Variants in TRPM3 observed in about 807,000 individuals in gnomAD.
TRPM3 encodes transient receptor potential cation channel subfamily M member 3.
Under a neutral mutation model 181.2 loss-of-function variants are expected in TRPM3, and 77 were observed. That is an observed-to-expected ratio of 0.42 (90% CI 0.35 to 0.51). The LOEUF (loss-of-function observed/expected upper bound fraction) is 0.51, where lower values mean the gene tolerates loss of function less well. Ranked by LOEUF, TRPM3 falls within the 20% of genes least tolerant of loss-of-function variation. The probability of loss-of-function intolerance (pLI) is 0.01; values close to 1 mark genes in which losing one functional copy is unlikely to be tolerated. For synonymous variants in TRPM3, 745 were observed against 796.4 expected (o/e 0.94, Z 1.09); for missense variants, 1,759 against 2,196.7 (o/e 0.80, Z 3.98).
At chr9:70,873,104 T>C (rs571112240) in intron 1 of TRPM3, among the ~76,000 whole-genome samples, 155 of 152,076 alleles carry the variant, frequency 1.0e-3, no homozygotes, top group Non-Finnish European at 1.9e-3. Context: ...AGAGTAAAAA[T>C]GATTTTTGGA....
intron 1 of TRPM3, among the ~76,000 whole-genome samples, chr9:71,225,023 T>C (rs1254106690): frequency 6.6e-6 from 1 of 152,046 alleles, no homozygotes; most frequent in Non-Finnish European, 1.5e-5. Flanking sequence ...GGTAGAGAGA[T>C]AGGGGTAGAA....
chr9:70,691,991 G>T (rs568935821), intron 8 of TRPM3, among the ~76,000 whole-genome samples: 1 of 152,120 alleles, frequency 6.6e-6, no homozygotes, highest in Non-Finnish European at 1.5e-5. Flanking sequence ...ATGGCTTTAG[G>T]CTGCTAAAAG....
intron 1 of TRPM3, among the ~76,000 whole-genome samples, chr9:71,301,763 A>T (rs1356691324): frequency 6.6e-6 from 1 of 152,132 alleles, no homozygotes; most frequent in Non-Finnish European, 1.5e-5. Flanking sequence ...CTTCATTATA[A>T]AGTGCTTTAT....
intron 1 of TRPM3, among the ~76,000 whole-genome samples, chr9:71,301,960 C>T (rs1378014403): frequency 6.6e-6 from 1 of 152,060 alleles, no homozygotes; most frequent in Non-Finnish European, 1.5e-5. Flanking sequence ...GATTATCCTC[C>T]TTCAAATTTT....
rs547493078 is a variant in TRPM3, at chr9:70,957,604, C to T, written c.178-93093G>A. Among the ~76,000 whole-genome samples the T allele has an allele frequency of 1.4e-4, 21 of 152,286 alleles. 2 individuals are homozygous for T. In the South Asian group the frequency reaches 3.3e-3, roughly 24 times the overall value. On this transcript the variant is annotated intron_variant, in intron 1 of 25. Transcript: ENST00000677713. ...GGTACTTAAACTATTTAGCAGCATG[C>T]TTGGCTGCATTCGGTTCATAAATAC...
At chr9:71,089,292 CAA>C (rs1184646758) in intron 1 of TRPM3, among the ~76,000 whole-genome samples, 2 of 150,232 alleles carry the variant, frequency 1.3e-5, no homozygotes, top group Non-Finnish European at 3.0e-5. Context: ...ACAACTTTTG[CAA>C]AAGTGTTTTA....
chr9:70,660,719 C>A (rs547288539), intron 9 of TRPM3, among the ~76,000 whole-genome samples: 1 of 152,060 alleles, frequency 6.6e-6, no homozygotes, highest in East Asian at 1.9e-4. Flanking sequence ...AAATATACAA[C>A]CCTCCTAGAT....
chr9:70,799,540 C>T (rs1267180204), intron 6 of TRPM3, among the ~76,000 whole-genome samples: 1 of 152,180 alleles, frequency 6.6e-6, no homozygotes, highest in African/African-American at 2.4e-5. Flanking sequence ...AAGGAGCTCC[C>T]TCCTTGTTTC....
At chr9:70,697,822 CCT>C in intron 8 of TRPM3, among the ~76,000 whole-genome samples, 1 of 152,300 alleles carries the variant, frequency 6.6e-6, no homozygotes, top group East Asian at 1.9e-4. Flanking sequence ...TCTTTTGTCT[CCT>C]CCTTTACATT....
intron 7 of TRPM3, among the ~76,000 whole-genome samples, chr9:70,772,508 A>T (rs11142584): frequency 4.9e-4 from 74 of 151,800 alleles, no homozygotes; most frequent in Non-Finnish European, 1.5e-4. Context: ...TTTTTTGTAG[A>T]GACAGGGTTT....
At chr9:71,423,227 A>T (rs1478491064) in intron 1 of TRPM3, among the ~76,000 whole-genome samples, 6 of 152,116 alleles carry the variant, frequency 3.9e-5, no homozygotes, top group African/African-American at 1.4e-4. Flanking sequence ...TTGACAGATA[A>T]CTTTAGACTG....
intron 1 of TRPM3, among the ~76,000 whole-genome samples, chr9:71,410,898 T>C (rs1305394495): frequency 3.9e-5 from 6 of 152,284 alleles, no homozygotes; most frequent in Middle Eastern, 3.4e-3. Flanking sequence ...AAAAAGTTTA[T>C]CCACCATGGT....
chr9:70,562,953 G>C (rs1002355842), intron 22 of TRPM3, among the ~76,000 whole-genome samples: 3 of 152,150 alleles, frequency 2.0e-5, no homozygotes, highest in African/African-American at 7.2e-5. Context: ...ACACTGCTTT[G>C]TCATGTGATG....
rs576824844 is a variant in TRPM3, at chr9:71,144,831, GA to G, written c.184-280321del. Among the ~76,000 whole-genome samples, 624 of 152,016 alleles carry G rather than the reference GA, an allele frequency of 4.1e-3. 1 individual carries two copies. Among genetic ancestry groups the G allele is most frequent in the African/African-American group, 0.014 (563 of 41,492 alleles). ...TATGCTTAATATAATAATTTTAATG[GA>G]AAAAAATGAACAGCATTGGTGTTTT... On this transcript the variant is annotated intron_variant, in intron 1 of 24. Transcript: ENST00000357533.
chr9:70,849,157 T>C (rs1488344040), intron 3 of TRPM3, among the ~76,000 whole-genome samples: 1 of 152,178 alleles, frequency 6.6e-6, no homozygotes, highest in Non-Finnish European at 1.5e-5. Flanking sequence ...TTTGTTTGTT[T>C]GTTTTGAGAT....
At chr9:71,140,655 A>C (rs1213368049) in intron 1 of TRPM3, among the ~76,000 whole-genome samples, 1 of 152,200 alleles carries the variant, frequency 6.6e-6, no homozygotes, top group Non-Finnish European at 1.5e-5. Context: ...TTATTCATTC[A>C]TTCATTCATT....
intron 3 of TRPM3, among the ~76,000 whole-genome samples, chr9:70,853,004 C>G (rs1378705382): frequency 3.3e-5 from 5 of 152,114 alleles, no homozygotes; most frequent in African/African-American, 9.7e-5. Context: ...TTTTATCTCC[C>G]TATGTTGCAA....
chr9:71,198,786 G>T (rs972871378), intron 1 of TRPM3, among the ~76,000 whole-genome samples: 5 of 148,860 alleles, frequency 3.4e-5, no homozygotes, highest in African/African-American at 1.2e-4. Context: ...AGACGATGGG[G>T]TTTTCTAGAT....
intron 22 of TRPM3, among the ~76,000 whole-genome samples, chr9:70,570,077 A>G (rs972152468): frequency 6.6e-6 from 1 of 152,046 alleles, no homozygotes; most frequent in Non-Finnish European, 1.5e-5. Context: ...AGTCTGAAAT[A>G]TTTAGTGCTC....
Sources: allele counts gnomAD v4.1 joint callset (sites outside exome capture counted in the v4.1 genomes callset), GRCh38; gene constraint gnomAD v4.1.1; transcripts MANE v1.5; gene names NCBI Gene and HGNC (gene_info 2026-07-23, HGNC 2026-07-21).